Variants in INSL6 observed in about 807,000 individuals in gnomAD.
INSL6 encodes the protein insulin-like peptide INSL6.
A neutral mutation model predicts 9.4 loss-of-function variants in INSL6; 16 were observed. The ratio of observed to expected loss-of-function variants is 1.70; its 90% CI spans 1.15 to 2.59. INSL6 has a LOEUF of 2.59. Ranked by LOEUF, INSL6 falls within the 30% of genes most tolerant of loss-of-function variation. INSL6 has a pLI of 0.00. For missense variants in INSL6, 391 were observed against 257.3 expected (o/e 1.52, Z -3.56); for synonymous variants, 154 against 96.9 (o/e 1.59, Z -3.46).
At chr9:5,158,605 AT>A (rs1824864230) in intron 2 of INSL6, among the ~76,000 whole-genome samples, 1 of 152,166 alleles carries the variant, frequency 6.6e-6, no homozygotes, top group South Asian at 2.1e-4. Context: ...AGGAAAAAAA[AT>A]CTTTTGCCCT....
At chr9:5,055,605 G>T in the INSL6 span, 2 of 1,277,606 alleles carry the variant, frequency 1.6e-6, no homozygotes, top group African/African-American at 1.5e-5. Flanking sequence ...GTCTTCTTAA[G>T]TCTTGTTTTA....
At chr9:5,075,131 A>G in the INSL6 span, among the ~76,000 whole-genome samples, 1 of 152,194 alleles carries the variant, frequency 6.6e-6, no homozygotes, top group South Asian at 2.1e-4. Context: ...GCAGAAGAAA[A>G]GTTGGAAGCT....
At chr9:5,041,463 T>C in the INSL6 span, 9 of 609,274 alleles carry the variant, frequency 1.5e-5, no homozygotes, top group Non-Finnish European at 2.5e-5. Flanking sequence ...TGGCAGGGGC[T>C]CAAGGCTGAC....
intron 3 of INSL6, among the ~76,000 whole-genome samples, chr9:5,124,593 T>C (rs903473589): frequency 2.6e-5 from 4 of 151,822 alleles, no homozygotes; most frequent in African/African-American, 7.2e-5. Flanking sequence ...AGAGCCCTAA[T>C]AGCAAAAGCG....
the INSL6 span, chr9:5,029,893 C>G: frequency 9.4e-4 from 1,508 of 1,607,494 alleles, 1 homozygote; most frequent in Non-Finnish European, 1.2e-3. Flanking sequence ...GCATAATGTA[C>G]TCTACAGAAT....
chr9:5,142,391 A>T (rs992762922), intron 2 of INSL6, among the ~76,000 whole-genome samples: 4 of 152,108 alleles, frequency 2.6e-5, no homozygotes, highest in Admixed American at 2.0e-4. Flanking sequence ...GATTTCTTTG[A>T]GCAGTTGTTT....
chr9:5,029,289 C>G, the INSL6 span, among the ~76,000 whole-genome samples: 1 of 152,136 alleles, frequency 6.6e-6, no homozygotes, highest in Admixed American at 6.5e-5. Flanking sequence ...ACACACACAG[C>G]ATTTGTTGCT....
chr9:5,069,298 A>C, the INSL6 span: 1 of 791,952 alleles, frequency 1.3e-6, no homozygotes, highest in Non-Finnish European at 2.0e-6. Context: ...TTCAAAGGAT[A>C]TATGAAAGAA....
At chr9:5,072,559 A>G in the INSL6 span, 1 of 1,611,348 alleles carries the variant, frequency 6.2e-7, no homozygotes, top group South Asian at 1.1e-5. Flanking sequence ...GTAGGAGACT[A>G]CGGTCAACTG....
chr9:5,162,287 TACC>T (rs1824944158), downstream of INSL6, among the ~76,000 whole-genome samples: 1 of 152,200 alleles, frequency 6.6e-6, no homozygotes, highest in Admixed American at 6.5e-5. Flanking sequence ...TATCAAAATG[TACC>T]ACATCATTAG....
At chr9:5,059,965 T>C in the INSL6 span, among the ~76,000 whole-genome samples, 1 of 152,190 alleles carries the variant, frequency 6.6e-6, no homozygotes, top group Non-Finnish European at 1.5e-5. Context: ...AAAACGTATA[T>C]AGACATACGT....
At chr9:4,993,812 T>C in the INSL6 span, among the ~76,000 whole-genome samples, 2 of 152,368 alleles carry the variant, frequency 1.3e-5, no homozygotes, top group East Asian at 3.9e-4. Flanking sequence ...GATTCCTGGC[T>C]GGGGCCACTG....
At chr9:5,155,995 A>G (rs1377614338) in intron 2 of INSL6, among the ~76,000 whole-genome samples, 1 of 152,186 alleles carries the variant, frequency 6.6e-6, no homozygotes, top group Non-Finnish European at 1.5e-5. Flanking sequence ...GAAAAACCAC[A>G]CATTATCAAA....
the INSL6 span, among the ~76,000 whole-genome samples, chr9:5,020,832 C>T: frequency 6.6e-6 from 1 of 151,956 alleles, no homozygotes; most frequent in African/African-American, 2.4e-5. Flanking sequence ...GTCAGTGGGG[C>T]TCTAGGGGTG....
the INSL6 span, among the ~76,000 whole-genome samples, chr9:5,082,100 AAGAAAGAAGACACAG>A: frequency 1.7e-3 from 262 of 151,950 alleles, no homozygotes; most frequent in Non-Finnish European, 2.9e-3. Flanking sequence ...AGACTGAGAA[AAGAAAGAAGACACAG>A]AGACAAAAGT....
At chr9:5,077,969 C>T in the INSL6 span, among the ~76,000 whole-genome samples, 1 of 152,184 alleles carries the variant, frequency 6.6e-6, no homozygotes, top group Non-Finnish European at 1.5e-5. Flanking sequence ...TCAGACCCCT[C>T]AGGGTGCACC....
chr9:5,050,773 A>G, the INSL6 span: 17 of 1,613,458 alleles, frequency 1.1e-5, no homozygotes, highest in South Asian at 1.4e-4. Flanking sequence ...AGTGTTAGAT[A>G]TGATGAGAAT....
In INSL6 at chr9:5,137,693, C is replaced by G. The variant is rs552471575; in HGVS notation, c.377-4101G>C. ...CTTAGGCATGGCAAAGACTTCATGA[C>G]TAAAACACCAAAAGCAATGGCAACA... On this transcript the variant is annotated intron_variant, in intron 2 of 3. Transcript: ENST00000649639. Among the ~76,000 whole-genome samples, 3 of 152,224 alleles carry G rather than the reference C, an allele frequency of 2.0e-5. No homozygotes were observed. The South Asian group carries it at 6.2e-4, about 32-fold the overall frequency.
At chr9:5,067,279 T>G in the INSL6 span, among the ~76,000 whole-genome samples, 1 of 152,142 alleles carries the variant, frequency 6.6e-6, no homozygotes, top group African/African-American at 2.4e-5. Context: ...TTAAGAATAG[T>G]GGTCTACAAT....
Sources: allele counts gnomAD v4.1 joint callset (sites outside exome capture counted in the v4.1 genomes callset), GRCh38; gene constraint gnomAD v4.1.1; transcripts MANE v1.5; gene names NCBI Gene and HGNC (gene_info 2026-07-23, HGNC 2026-07-21).